The following NDST4 variants were observed in gnomAD, a reference collection of about 807,000 sequenced individuals.
The protein encoded by NDST4 is N-deacetylase and N-sulfotransferase 4.
NDST4 carries 63 observed loss-of-function variants against 100.8 expected under a neutral mutation model. The ratio of observed to expected loss-of-function variants is 0.62; its 90% confidence interval spans 0.51 to 0.77. NDST4 has a LOEUF of 0.77. Among genes scored for constraint, NDST4 ranks in the 30% least tolerant of loss-of-function variants. The probability of loss-of-function intolerance (pLI) is 0.00; values close to 1 mark genes in which losing one functional copy is unlikely to be tolerated. For missense variants in NDST4, 943 were observed against 1,018.4 expected, an observed-to-expected ratio of 0.93 and a Z score of 1.01; for synonymous variants, 377 against 361.8, an observed-to-expected ratio of 1.04 and a Z score of -0.48.
chr4:114,991,615 C>A (rs1254185695), intron 2 of NDST4, among the ~76,000 whole-genome samples: 2 of 151,970 alleles, frequency 1.3e-5, no homozygotes, highest in African/African-American at 2.4e-5. Context: ...GCAGGCAATG[C>A]ATACCTCTAG....
intron 6 of NDST4, among the ~76,000 whole-genome samples, chr4:114,883,824 A>G (rs1313751050): frequency 6.6e-6 from 1 of 152,054 alleles, no homozygotes. Context: ...AGATTCTCGT[A>G]AGGAGCCTGC....
chr4:114,923,638 T>C (rs1404381857), intron 6 of NDST4, among the ~76,000 whole-genome samples: 4 of 152,060 alleles, frequency 2.6e-5, no homozygotes, highest in Admixed American at 2.0e-4. Context: ...CTTTTTTTCT[T>C]ATTATGAATT....
At chr4:114,896,425 C>T (rs1015808138) in intron 6 of NDST4, among the ~76,000 whole-genome samples, 2 of 151,846 alleles carry the variant, frequency 1.3e-5, no homozygotes, top group Non-Finnish European at 2.9e-5. Flanking sequence ...AGATTGAGAC[C>T]ATCCTGGCTA....
intron 6 of NDST4, among the ~76,000 whole-genome samples, chr4:114,887,516 T>C (rs1424402108): frequency 1.3e-5 from 2 of 152,212 alleles, no homozygotes; most frequent in Non-Finnish European, 2.9e-5. Flanking sequence ...TAAACTGACA[T>C]TCAGCTGCAG....
At chr4:115,056,347 A>G (rs1178899842) in intron 2 of NDST4, among the ~76,000 whole-genome samples, 1 of 152,132 alleles carries the variant, frequency 6.6e-6, no homozygotes, top group Non-Finnish European at 1.5e-5. Context: ...TGTCTCAAAA[A>G]CATTTATAGT....
rs1197668143 is a variant in NDST4, at chr4:115,059,939, G to A, written c.978+16120C>T. Among the ~76,000 whole-genome samples the A allele has an allele frequency of 2.6e-5, 4 of 151,942 alleles. No individual in the cohort carries two copies. In the South Asian group the frequency reaches 8.3e-4, roughly 31 times the overall value. On this transcript the variant is annotated intron_variant, in intron 2 of 13. Coordinates refer to ENST00000264363, the MANE Select transcript of NDST4 (RefSeq NM_022569.3). ...GGAACTAATTGGCATCTCCTACCTT[G>A]AGGATTATTCCCACTAAACCTCTGC...
chr4:114,859,187 A>G (rs1414574708), intron 7 of NDST4, among the ~76,000 whole-genome samples: 1 of 152,210 alleles, frequency 6.6e-6, no homozygotes, highest in African/African-American at 2.4e-5. Context: ...GAAATTTACA[A>G]GAGGAGAGTC....
chr4:115,027,515 C>T (rs148171590), intron 2 of NDST4, among the ~76,000 whole-genome samples: 96 of 152,226 alleles, frequency 6.3e-4, no homozygotes, highest in African/African-American at 2.2e-3. Flanking sequence ...TAGGGATTCA[C>T]AGGATTTATT....
chr4:115,082,927 A>G (rs1193177438), intron 1 of NDST4, among the ~76,000 whole-genome samples: 1 of 152,206 alleles, frequency 6.6e-6, no homozygotes, highest in Non-Finnish European at 1.5e-5. Flanking sequence ...CCAAAAATGG[A>G]GAAAAATTGT....
chr4:115,012,925 A>G (rs1387735791), intron 2 of NDST4, among the ~76,000 whole-genome samples: 2 of 151,990 alleles, frequency 1.3e-5, no homozygotes, highest in Admixed American at 6.6e-5. Flanking sequence ...ACTGAAGGAC[A>G]TTGTGATAAG....
chr4:114,855,814 C>T (rs1002197896), intron 7 of NDST4, among the ~76,000 whole-genome samples: 3 of 152,072 alleles, frequency 2.0e-5, no homozygotes, highest in Non-Finnish European at 4.4e-5. Context: ...GTGAAGAATG[C>T]CATTGGTGGT....
intron 3 of NDST4, among the ~76,000 whole-genome samples, chr4:114,973,336 T>G (rs985617388): frequency 6.6e-6 from 1 of 151,744 alleles, no homozygotes; most frequent in Admixed American, 6.6e-5. Context: ...GTGACCAGAT[T>G]AGCACATTTA....
intron 2 of NDST4, among the ~76,000 whole-genome samples, chr4:115,002,708 C>A (rs1006799974): frequency 2.6e-5 from 4 of 152,010 alleles, no homozygotes; most frequent in African/African-American, 9.7e-5. Flanking sequence ...TACCATTTGA[C>A]CCAGGAATCC....
At chr4:114,849,802 C>G (rs1723633620) in intron 8 of NDST4, among the ~76,000 whole-genome samples, 1 of 152,170 alleles carries the variant, frequency 6.6e-6, no homozygotes, top group African/African-American at 2.4e-5. Context: ...GGAGACAGAA[C>G]TGGTTAAGAA....
intron 13 of NDST4, among the ~76,000 whole-genome samples, chr4:114,829,398 G>C (rs1325512734): frequency 6.6e-6 from 1 of 151,954 alleles, no homozygotes; most frequent in Non-Finnish European, 1.5e-5. Context: ...CCATTGCTTA[G>C]CCCACTTCCA....
At position 114,970,546 on chromosome 4, in the gene NDST4, G is replaced by A. The variant is rs374197902; in HGVS notation, c.1105C>T (p.Arg369Trp). The A allele has an allele frequency of 4.9e-5, 79 of 1,613,708 alleles. No homozygotes were observed. Among genetic ancestry groups the A allele is most frequent in the Admixed American group, 6.7e-5 (4 of 59,966 alleles). Residue 369 changes from arginine to tryptophan, a missense_variant, in exon 4 of 14, where the codon CGG (arginine) becomes TGG (tryptophan). Physicochemically the swap from Arg to Trp is moderately radical, Grantham distance 101. Around this residue, in one of 2 missense-constraint regions of NDST4, gnomAD observed 526 missense variants for 634.1 expected, o/e 0.83. Coordinates refer to ENST00000264363, the MANE Select transcript of NDST4 (RefSeq NM_022569.3). ...EEDEGDDLLL[R>W]SVDEFWWFPH... ...AACCACCAGAACTCATCCACAGACC[G>A]AAGTAAAAGGTCATCTCCTTCATCT... is the stretch of plus-strand genomic sequence containing the variant.
At chr4:115,068,788 C>T (rs1729006938) in intron 2 of NDST4, among the ~76,000 whole-genome samples, 1 of 141,254 alleles carries the variant, frequency 7.1e-6, no homozygotes, top group Non-Finnish European at 1.5e-5. Context: ...TGCACTCCAG[C>T]TTGGGCATCA....
intron 2 of NDST4, among the ~76,000 whole-genome samples, chr4:115,022,642 G>T (rs569729750): frequency 6.6e-6 from 1 of 151,952 alleles, no homozygotes; most frequent in African/African-American, 2.4e-5. Flanking sequence ...CAAATGAAAT[G>T]GTTTGGCTAT....
intron 9 of NDST4, among the ~76,000 whole-genome samples, chr4:114,847,620 A>C (rs1396314848): frequency 6.6e-6 from 1 of 152,100 alleles, no homozygotes; most frequent in Non-Finnish European, 1.5e-5. Context: ...TTCCAGTATC[A>C]GGTTTATTCT....
Sources: gnomAD v4.1 joint callset for allele counts (sites outside exome capture counted in the v4.1 genomes callset) on GRCh38, gnomAD v4.1.1 for gene constraint, gnomAD v4.1.1 regional missense constraint, MANE v1.5 for transcripts, NCBI Gene and HGNC (gene_info 2026-07-23, HGNC 2026-07-21) for gene names.